The following TMEM87B variants were observed in gnomAD, a reference collection of about 807,000 sequenced individuals.
TMEM87B encodes the protein transmembrane protein 87B.
TMEM87B carries 83 observed loss-of-function variants against 80.3 expected under a neutral mutation model. That is an observed-to-expected ratio of 1.03 (90% CI 0.87 to 1.24). The LOEUF is 1.24. Ranked by LOEUF, TMEM87B falls within the 50% of genes most tolerant of loss-of-function variation. The pLI is 0.00. For synonymous variants in TMEM87B, 219 were observed against 230.5 expected (o/e 0.95, Z 0.45); for missense variants, 625 against 674.4 (o/e 0.93, Z 0.81).
At chr2:112,082,643 A>T (rs952859377) in intron 8 of TMEM87B, among the ~76,000 whole-genome samples, 1 of 151,872 alleles carries the variant, frequency 6.6e-6, no homozygotes, top group African/African-American at 2.4e-5. Flanking sequence ...ACTACTCTGT[A>T]AGAAGTTTTT....
intron 3 of TMEM87B, among the ~76,000 whole-genome samples, chr2:112,065,093 C>T (rs969136939): frequency 6.6e-6 from 1 of 152,034 alleles, no homozygotes; most frequent in Non-Finnish European, 1.5e-5. Context: ...CAGGTAGCCT[C>T]CAGAGTTTCT....
chr2:112,071,043 T>C (rs1371882029), intron 4 of TMEM87B, among the ~76,000 whole-genome samples: 15 of 151,648 alleles, frequency 9.9e-5, no homozygotes, highest in African/African-American at 3.2e-4. Flanking sequence ...GCCAGGATGG[T>C]CTTGATCTCC....
intron 17 of TMEM87B, among the ~76,000 whole-genome samples, chr2:112,110,771 C>T (rs553897762): frequency 1.3e-5 from 2 of 152,090 alleles, no homozygotes; most frequent in South Asian, 2.1e-4. Flanking sequence ...TTATTTACTA[C>T]ACGATCACAT....
At position 112,077,180 on chromosome 2, in the gene TMEM87B, C is replaced by T. The variant is rs745544075; in HGVS notation, c.502-12C>T. 7.3e-6 allele frequency: 11 copies of T among 1,506,110 alleles called. No homozygotes were observed. The highest frequency in any genetic ancestry group is 2.8e-5 in the African/African-American group (2 of 71,698). 93.3% of individuals were successfully genotyped at this position (1,506,110 alleles called of 1,614,324 possible). On this transcript the variant is annotated splice_polypyrimidine_tract_variant and intron_variant, in intron 5 of 18. Transcript: ENST00000283206. The stretch of plus-strand genomic sequence containing the variant: ...TAAAAATAATGAAGAATTTTTTTCA[C>T]CTCTATTTCAGGATGTTGTAGCCAG...
chr2:112,112,249 C>T (rs1432737292), intron 17 of TMEM87B, among the ~76,000 whole-genome samples: 1 of 152,188 alleles, frequency 6.6e-6, no homozygotes, highest in East Asian at 1.9e-4. Flanking sequence ...TTGTTACATT[C>T]GTCTTTTCTT....
chr2:112,118,789 A>G lies in TMEM87B; in HGVS notation c.*2646A>G, dbSNP rs762895155. 5.3e-5 allele frequency: 8 copies of G among 152,188 alleles called. No homozygotes were observed. The highest frequency in any genetic ancestry group is 7.4e-5 in the Non-Finnish European group (5 of 68,018). 9.4% of individuals were successfully genotyped at this position (152,188 alleles called of 1,614,324 possible). On this transcript the variant is annotated 3_prime_UTR_variant, in exon 19 of 19. Transcript: ENST00000283206. ...CAAGCTGAAAGTATAAAAAATGTAC[A>G]TATACATTTTGAGTTATGTATCCTT...
intron 1 of TMEM87B, among the ~76,000 whole-genome samples, chr2:112,059,326 C>A (rs752023485): frequency 6.6e-6 from 1 of 151,624 alleles, no homozygotes; most frequent in African/African-American, 2.4e-5. Context: ...AGGGCCTGGC[C>A]GGATATGGGC....
rs1383396855 is a variant in TMEM87B at position 112,059,998 on chromosome 2, A to G, written c.187A>G (p.Arg63Gly). ...TTAGAAATCAGGACCTTTGATATTTAGGAAAACTATGTTTAACTCTACAGA... is the reference window on the plus strand; with the variant it reads ...TTAGAAATCAGGACCTTTGATATTTGGGAAAACTATGTTTAACTCTACAGA... Reference protein sequence around the residue: ...VNDKSGPLIFRKTMFNSTDIK... With the variant: ...VNDKSGPLIFGKTMFNSTDIK... The change falls in exon 2 of 19, where the codon AGG becomes GGG. Residue 63 changes from arginine (R) to glycine (G), a missense_variant. Transcript: ENST00000283206. The G allele has an allele frequency of 6.3e-7, 1 of 1,594,366 alleles. No individual in the cohort carries two copies. The highest frequency in any genetic ancestry group is 8.6e-7 in the Non-Finnish European group (1 of 1,167,298).
At chr2:112,084,502 G>C (rs1679089061) in intron 8 of TMEM87B, among the ~76,000 whole-genome samples, 1 of 152,202 alleles carries the variant, frequency 6.6e-6, no homozygotes, top group South Asian at 2.1e-4. Context: ...TGCCCTTCCA[G>C]GTGTTCCTCT....
chr2:112,105,315 T>C (rs1044906527), intron 15 of TMEM87B, among the ~76,000 whole-genome samples: 3 of 152,188 alleles, frequency 2.0e-5, no homozygotes, highest in African/African-American at 7.2e-5. Context: ...ATTTGCAAAT[T>C]AGTGTAATAA....
chr2:112,097,113 T>C lies in TMEM87B; in HGVS notation c.1174T>C (p.Tyr392His). The C allele has an allele frequency of 6.2e-7, 1 of 1,609,782 alleles. No individual in the cohort carries two copies. Among genetic ancestry groups the C allele is most frequent in the Non-Finnish European group, 8.5e-7 (1 of 1,178,674 alleles). ...AAAGAACACTGTGAAATTTTCATTA[T>C]ATAGACATTTTAAAAATACTCTGAT... ...LRKNTVKFSL[Y>H]RHFKNTLIFA... Residue 392 changes from tyrosine (Y) to histidine (H), a missense_variant, in exon 12 of 19, where the codon TAT (tyrosine) becomes CAT (histidine). Transcript: ENST00000283206.
At chr2:112,070,017 T>C (rs1454352464) in intron 4 of TMEM87B, among the ~76,000 whole-genome samples, 1 of 152,140 alleles carries the variant, frequency 6.6e-6, no homozygotes. Context: ...TTTTAATTTT[T>C]TTTTGTTTTT....
intron 2 of TMEM87B, among the ~76,000 whole-genome samples, chr2:112,063,355 T>A (rs1433510198): frequency 6.6e-6 from 1 of 152,232 alleles, no homozygotes. Flanking sequence ...TGCTTTTCAG[T>A]CTGCCTATTT....
chr2:112,097,735 A>C (rs1370456468), intron 13 of TMEM87B, among the ~76,000 whole-genome samples: 1 of 151,432 alleles, frequency 6.6e-6, no homozygotes, highest in African/African-American at 2.4e-5. Context: ...AAAAAAAAAA[A>C]AACTTTTAAC....
chr2:112,089,949 A>G (rs1357195937), intron 10 of TMEM87B, among the ~76,000 whole-genome samples: 1 of 152,236 alleles, frequency 6.6e-6, no homozygotes, highest in African/African-American at 2.4e-5. Context: ...ATATCATCCC[A>G]GGTATCAGTC....
chr2:112,082,059 G>A (rs1019571887), intron 8 of TMEM87B, among the ~76,000 whole-genome samples: 4 of 152,154 alleles, frequency 2.6e-5, no homozygotes, highest in Non-Finnish European at 5.9e-5. Flanking sequence ...TGTGAAGCAG[G>A]CAGGCCATAC....
At chr2:112,068,170 C>T (rs57706057) in intron 4 of TMEM87B, among the ~76,000 whole-genome samples, 34,518 of 151,938 alleles carry the variant, frequency 0.23, 4,954 homozygotes, top group African/African-American at 0.4. Flanking sequence ...GCCGAGATCA[C>T]GCCATTGCAC....
intron 8 of TMEM87B, among the ~76,000 whole-genome samples, chr2:112,083,161 C>T (rs1182935251): frequency 2.6e-5 from 4 of 152,178 alleles, no homozygotes; most frequent in Non-Finnish European, 5.9e-5. Flanking sequence ...AATATCATGT[C>T]AGACTAATTT....
At chr2:112,062,568 C>T (rs1195456294) in intron 2 of TMEM87B, among the ~76,000 whole-genome samples, 1 of 152,180 alleles carries the variant, frequency 6.6e-6, no homozygotes, top group Non-Finnish European at 1.5e-5. Context: ...CAGTTTAATC[C>T]CAGCCAAAAT....
Sources: allele counts gnomAD v4.1 joint callset (sites outside exome capture counted in the v4.1 genomes callset), GRCh38; gene constraint gnomAD v4.1.1; transcripts MANE v1.5; gene names NCBI Gene and HGNC (gene_info 2026-07-23, HGNC 2026-07-21).